Variants in EMCN observed in about 807,000 individuals in gnomAD.
The protein encoded by EMCN is endomucin, also known as MUC-14.
A neutral mutation model predicts 38.4 loss-of-function variants in EMCN; 37 were observed. That is an observed-to-expected ratio of 0.96 (90% confidence interval 0.74 to 1.27). EMCN has a LOEUF of 1.27. EMCN is among the 50% of genes most tolerant of loss of function. The pLI is 0.00. For synonymous variants in EMCN, 95 were observed against 100.8 expected (o/e 0.94, Z 0.35); for missense variants, 318 against 302.8 (o/e 1.05, Z -0.37).
At chr4:100,430,673 G>A (rs1223170489) in intron 5 of EMCN, among the ~76,000 whole-genome samples, 1 of 152,112 alleles carries the variant, frequency 6.6e-6, no homozygotes, top group African/African-American at 2.4e-5. Context: ...AGACTAGGGT[G>A]GTGCAAGAAC....
intron 11 of EMCN, among the ~76,000 whole-genome samples, chr4:100,408,377 T>G (rs2110208117): frequency 6.6e-6 from 1 of 152,320 alleles, no homozygotes; most frequent in Non-Finnish European, 1.5e-5. Context: ...CAGTGTAATT[T>G]GAGTATAGTC....
intron 4 of EMCN, among the ~76,000 whole-genome samples, chr4:100,458,186 T>C (rs1019036781): frequency 2.0e-5 from 3 of 152,170 alleles, no homozygotes; most frequent in African/African-American, 7.2e-5. Context: ...AATTCTTCTT[T>C]AATTTTTGGT....
intron 5 of EMCN, among the ~76,000 whole-genome samples, chr4:100,436,584 C>G (rs1727359034): frequency 6.6e-6 from 1 of 152,052 alleles, no homozygotes. Flanking sequence ...CAGCACTGTT[C>G]ACAATAGCAA....
chr4:100,517,016 A>G (rs187826175), intron 1 of EMCN, among the ~76,000 whole-genome samples: 7 of 152,136 alleles, frequency 4.6e-5, no homozygotes, highest in Non-Finnish European at 1.0e-4. Flanking sequence ...TTGGGCAAGG[A>G]CGTCTTACTT....
intron 1 of EMCN, among the ~76,000 whole-genome samples, chr4:100,492,866 C>A (rs1729121262): frequency 6.6e-6 from 1 of 151,754 alleles, no homozygotes; most frequent in African/African-American, 2.4e-5. Context: ...CCATGTTGCC[C>A]AATTTGAGTC....
intron 1 of EMCN, among the ~76,000 whole-genome samples, chr4:100,492,826 G>A (rs950405056): frequency 6.6e-6 from 1 of 152,154 alleles, no homozygotes; most frequent in Non-Finnish European, 1.5e-5. Flanking sequence ...GGGTGGTGTA[G>A]TGTAGGGAGT....
chr4:100,454,395 C>T (rs753694203), intron 4 of EMCN, among the ~76,000 whole-genome samples: 5 of 151,974 alleles, frequency 3.3e-5, no homozygotes, highest in Admixed American at 6.6e-5. Context: ...TGACAACCAA[C>T]GTAGCTCTGC....
intron 5 of EMCN, among the ~76,000 whole-genome samples, chr4:100,435,217 C>T (rs1211738287): frequency 6.6e-6 from 1 of 152,148 alleles, no homozygotes; most frequent in Non-Finnish European, 1.5e-5. Flanking sequence ...CACTAGCATT[C>T]CTATACACCA....
rs535761823 is a variant in EMCN at position 100,396,318 on chromosome 4, T to C, written c.*2095A>G. 3 of 152,240 alleles carry C rather than the reference T, an allele frequency of 2.0e-5. No individual in the cohort carries two copies. Among genetic ancestry groups the C allele is most frequent in the African/African-American group, 7.2e-5 (3 of 41,560 alleles). 9.4% of individuals were successfully genotyped at this position (152,240 alleles called of 1,614,324 possible). ...AATAAATTTTATTCTTTTCTGACCA[T>C]TAAAATTGTTCCCTCTTCCTAATTC... On this transcript the variant is annotated 3_prime_UTR_variant, in exon 12 of 12. Coordinates refer to ENST00000296420, the MANE Select transcript of EMCN (RefSeq NM_016242.4).
intron 7 of EMCN, among the ~76,000 whole-genome samples, chr4:100,421,876 G>A (rs1334851569): frequency 1.3e-5 from 2 of 152,012 alleles, no homozygotes; most frequent in African/African-American, 2.4e-5. Context: ...ATACCACAGT[G>A]AAGATGATTC....
chr4:100,500,900 T>G (rs1278763996), intron 1 of EMCN, among the ~76,000 whole-genome samples: 1 of 152,064 alleles, frequency 6.6e-6, no homozygotes, highest in Non-Finnish European at 1.5e-5. Flanking sequence ...TCAGCCAAAT[T>G]TTTTGACTGG....
intron 1 of EMCN, among the ~76,000 whole-genome samples, chr4:100,500,745 A>G (rs1349394755): frequency 1.3e-5 from 2 of 152,146 alleles, no homozygotes; most frequent in Non-Finnish European, 2.9e-5. Context: ...TATACAATAC[A>G]TTGAACAAAT....
At chr4:100,432,964 T>A (rs184150683) in intron 5 of EMCN, among the ~76,000 whole-genome samples, 1 of 152,288 alleles carries the variant, frequency 6.6e-6, no homozygotes, top group Non-Finnish European at 1.5e-5. Flanking sequence ...AATTATACAC[T>A]TTAGTTGTTT....
intron 1 of EMCN, among the ~76,000 whole-genome samples, chr4:100,488,149 A>T (rs1165276131): frequency 6.6e-6 from 1 of 152,196 alleles, no homozygotes; most frequent in African/African-American, 2.4e-5. Context: ...ATAAAAAGTG[A>T]CTATTGAGCA....
At chr4:100,411,415 A>G (rs1237478773) in intron 10 of EMCN, among the ~76,000 whole-genome samples, 1 of 152,230 alleles carries the variant, frequency 6.6e-6, no homozygotes, top group Non-Finnish European at 1.5e-5. Flanking sequence ...AGTATCTGCC[A>G]GAAGTCATGC....
At chr4:100,433,021 T>C (rs778495994) in intron 5 of EMCN, among the ~76,000 whole-genome samples, 11 of 152,154 alleles carry the variant, frequency 7.2e-5, no homozygotes, top group Non-Finnish European at 1.5e-4. Flanking sequence ...GAATCCCAAA[T>C]ACAGTACAAT....
chr4:100,507,279 C>A (rs1001906294), intron 1 of EMCN, among the ~76,000 whole-genome samples: 4 of 152,220 alleles, frequency 2.6e-5, no homozygotes, highest in Admixed American at 6.5e-5. Flanking sequence ...GAATTTAAGC[C>A]TGTATGCCTA....
At chr4:100,425,940 T>C (rs1177284855) in intron 5 of EMCN, among the ~76,000 whole-genome samples, 2 of 152,082 alleles carry the variant, frequency 1.3e-5, no homozygotes, top group Non-Finnish European at 2.9e-5. Flanking sequence ...ATTGAATTTG[T>C]GGCTAGGTTG....
chr4:100,422,685 A>G (rs1726920701), intron 7 of EMCN, among the ~76,000 whole-genome samples: 1 of 151,946 alleles, frequency 6.6e-6, no homozygotes, highest in Non-Finnish European at 1.5e-5. Context: ...CTACCTGTGC[A>G]TTTTGACTTA....
Sources: gnomAD v4.1 joint callset for allele counts (sites outside exome capture counted in the v4.1 genomes callset) on GRCh38, gnomAD v4.1.1 for gene constraint, MANE v1.5 for transcripts, NCBI Gene and HGNC (gene_info 2026-07-23, HGNC 2026-07-21) for gene names.